Variants in SLC6A5 observed in about 807,000 individuals in gnomAD.
SLC6A5 encodes solute carrier family 6 member 5, also known as sodium- and chloride-dependent glycine transporter 2.
Under a neutral mutation model 90.5 loss-of-function variants are expected in SLC6A5, and 58 were observed. That is an observed-to-expected ratio of 0.64 (90% CI 0.52 to 0.80). The LOEUF (loss-of-function observed/expected upper bound fraction) is 0.80, where lower values mean the gene tolerates loss of function less well. SLC6A5 is among the 30% of genes least tolerant of loss of function. The pLI, the probability that SLC6A5 is intolerant of heterozygous loss-of-function variation, is 0.00. For missense variants in SLC6A5, 1,015 were observed against 1,017.6 expected (o/e 1.00, Z 0.03); for synonymous variants, 427 against 401.4 (o/e 1.06, Z -0.76).
chr11:20,608,881 A>C (rs1374032123), intron 5 of SLC6A5, among the ~76,000 whole-genome samples: 1 of 147,952 alleles, frequency 6.8e-6, no homozygotes, highest in Non-Finnish European at 1.5e-5. Flanking sequence ...ATTTTCTGCC[A>C]TGAACATGTG....
intron 13 of SLC6A5, among the ~76,000 whole-genome samples, chr11:20,646,079 G>C (rs940722090): frequency 1.3e-5 from 2 of 152,196 alleles, no homozygotes; most frequent in Middle Eastern, 3.2e-3. Context: ...GGTGGGGAAA[G>C]AATGCAAGAA....
chr11:20,628,020 C>G lies in SLC6A5; in HGVS notation c.1436C>G (p.Ser479Cys). 2 of 1,614,164 alleles carry G rather than the reference C, an allele frequency of 1.2e-6. No individual in the cohort carries two copies. The highest frequency in any genetic ancestry group is 1.1e-5 in the South Asian group (1 of 91,070). Residue 479 changes from serine to cysteine, a missense_variant, in exon 9 of 16, where the codon TCT (serine) becomes TGT (cysteine). Ser to Cys is a moderately radical substitution (Grantham distance 112). Around this residue, in one of 3 missense-constraint regions of SLC6A5, gnomAD observed 442 missense variants for 494.3 expected, o/e 0.89. Coordinates refer to ENST00000525748, the MANE Select transcript of SLC6A5 (RefSeq NM_004211.5). ...GCCACTCAGATTTTCTTCTCTTTAT[C>G]TGCTGCATGGGGAGGCCTGATCACT... ...DAATQIFFSL[S>C]AAWGGLITLS...
In SLC6A5 at chr11:20,604,356, T is replaced by C. The variant is rs1201783797; in HGVS notation, c.611T>C (p.Met204Thr). ...WSSKLDFILS[M>T]VGYAVGLGNV... ...AGCAAACTGGACTTCATCCTGTCCATGGTGGGGTACGCAGTGGGGCTGGGC... is the reference window on the plus strand; with the variant it reads ...AGCAAACTGGACTTCATCCTGTCCACGGTGGGGTACGCAGTGGGGCTGGGC... The change falls in exon 3 of 16, where the codon ATG (methionine) becomes ACG (threonine). Residue 204 changes from methionine (M) to threonine (T), a missense_variant. By Grantham distance (81) the Met-to-Thr change is moderately conservative (BLOSUM62 -1). Around this residue, in one of 3 missense-constraint regions of SLC6A5, gnomAD observed 567 missense variants for 507.3 expected, o/e 1.12. Coordinates refer to ENST00000525748, the MANE Select transcript of SLC6A5 (RefSeq NM_004211.5). The C allele has an allele frequency of 6.2e-7, 1 of 1,614,000 alleles. No individual in the cohort carries two copies. Among genetic ancestry groups the C allele is most frequent in the Non-Finnish European group, 8.5e-7 (1 of 1,179,938 alleles).
intron 7 of SLC6A5, among the ~76,000 whole-genome samples, chr11:20,618,182 C>A (rs904122442): frequency 2.0e-5 from 3 of 152,160 alleles, no homozygotes; most frequent in Non-Finnish European, 4.4e-5. Flanking sequence ...GCCACTCATT[C>A]AGCAGAAGGA....
intron 3 of SLC6A5, among the ~76,000 whole-genome samples, chr11:20,605,891 A>C (rs1471411461): frequency 6.6e-6 from 1 of 152,206 alleles, no homozygotes; most frequent in Non-Finnish European, 1.5e-5. Context: ...CCCCGGTTTT[A>C]CTGCCCAGCA....
intron 10 of SLC6A5, among the ~76,000 whole-genome samples, chr11:20,632,268 A>G (rs1340311289): frequency 6.6e-6 from 1 of 152,114 alleles, no homozygotes; most frequent in Non-Finnish European, 1.5e-5. Flanking sequence ...TTTTTGTGAC[A>G]TTACTGAGTT....
intron 13 of SLC6A5, among the ~76,000 whole-genome samples, chr11:20,644,340 G>T (rs1853369297): frequency 6.6e-6 from 1 of 152,044 alleles, no homozygotes; most frequent in Non-Finnish European, 1.5e-5. Flanking sequence ...TACAGTGTTT[G>T]TCTTTCTGTG....
At chr11:20,620,467 A>AT (rs1852868894) in intron 7 of SLC6A5, among the ~76,000 whole-genome samples, 1 of 152,264 alleles carries the variant, frequency 6.6e-6, no homozygotes, top group Non-Finnish European at 1.5e-5. Flanking sequence ...GTGTATGGTC[A>AT]GTTATTAACA....
At chr11:20,624,719 G>A (rs1008298478) in intron 7 of SLC6A5, among the ~76,000 whole-genome samples, 1 of 152,180 alleles carries the variant, frequency 6.6e-6, no homozygotes, top group African/African-American at 2.4e-5. Context: ...GATCCCGAGA[G>A]CCCAGAGTGG....
intron 9 of SLC6A5, chr11:20,629,202 T>A (rs1046382584): frequency 1.3e-5 from 2 of 152,154 alleles, no homozygotes; most frequent in African/African-American, 4.8e-5. Flanking sequence ...AGCAGCAGGC[T>A]CTGCGATGAA....
At chr11:20,613,132 C>T (rs1368883601) in intron 5 of SLC6A5, among the ~76,000 whole-genome samples, 3 of 152,208 alleles carry the variant, frequency 2.0e-5, no homozygotes, top group African/African-American at 7.2e-5. Flanking sequence ...AGCTTGTTTA[C>T]ATCCTGTCTT....
At chr11:20,646,254 A>G (rs1853412812) in intron 13 of SLC6A5, among the ~76,000 whole-genome samples, 1 of 152,192 alleles carries the variant, frequency 6.6e-6, no homozygotes, top group Non-Finnish European at 1.5e-5. Flanking sequence ...CCAAGAAGAC[A>G]GCAGTCCTTT....
At position 20,638,477 on chromosome 11, in the gene SLC6A5, C is replaced by T. The variant is rs121908495; in HGVS notation, c.1888C>T (p.Gln630Ter). 1 of 1,612,074 alleles carries T rather than the reference C, an allele frequency of 6.2e-7. No homozygotes were observed. Among genetic ancestry groups the T allele is most frequent in the Non-Finnish European group, 8.5e-7 (1 of 1,178,192 alleles). ...MITQGGIYMF[Q>*]LVDTYAASYA... is the part of the protein sequence containing the mutation. ...CTGTTAGGGTGGAATTTACATGTTT[C>T]AGCTTGTGGACACCTATGCTGCCTC... Residue 630 changes from glutamine to a stop codon, truncating the protein, a stop_gained, in exon 13 of 16, where the codon CAG (glutamine) becomes TAG (stop). Coordinates refer to ENST00000525748, the MANE Select transcript of SLC6A5 (RefSeq NM_004211.5). LOFTEE classifies it high-confidence loss of function.
At chr11:20,653,830 G>C (rs1426301497) in intron 15 of SLC6A5, among the ~76,000 whole-genome samples, 1 of 152,130 alleles carries the variant, frequency 6.6e-6, no homozygotes, top group Non-Finnish European at 1.5e-5. Flanking sequence ...TTTAGCCTCT[G>C]CTACTTTTGT....
intron 5 of SLC6A5, among the ~76,000 whole-genome samples, chr11:20,611,328 AC>A (rs1852689095): frequency 6.6e-6 from 1 of 152,122 alleles, no homozygotes; most frequent in Non-Finnish European, 1.5e-5. Flanking sequence ...GTTGGCACAC[AC>A]CTGTAATCCC....
At chr11:20,651,565 G>T (rs540596439) in intron 14 of SLC6A5, among the ~76,000 whole-genome samples, 23 of 151,404 alleles carry the variant, frequency 1.5e-4, no homozygotes, top group Non-Finnish European at 2.9e-4. Flanking sequence ...GAGCCACTGC[G>T]CCTGGCCTGG....
chr11:20,640,697 TAAAA>T (rs34284603), intron 13 of SLC6A5, among the ~76,000 whole-genome samples: 11 of 148,186 alleles, frequency 7.4e-5, no homozygotes, highest in Admixed American at 6.7e-5. Flanking sequence ...CTGTTTGAGG[TAAAA>T]AAAAAAAAAA....
intron 13 of SLC6A5, among the ~76,000 whole-genome samples, chr11:20,644,648 C>T: frequency 6.6e-6 from 1 of 152,104 alleles, no homozygotes; most frequent in African/African-American, 2.4e-5. Flanking sequence ...TAATGTTTTC[C>T]ATAGTGACTG....
chr11:20,601,635 C>G lies in SLC6A5; in HGVS notation c.510C>G (p.Leu170=). The change falls in exon 2 of 16, where the codon CTC becomes CTG. Residue 170 remains leucine, a synonymous_variant. Transcript: ENST00000525748. ...CCACGGATGGAATCACGTCCGTGCT[C>G]CCGGGCAGCGTGGCCACCGTTGCCA... ...VLATDGITSV[L]PGSVATVATQ... 1.2e-6 allele frequency: 2 copies of G among 1,613,972 alleles called. No individual in the cohort carries two copies. Among genetic ancestry groups the G allele is most frequent in the Non-Finnish European group, 1.7e-6 (2 of 1,179,968 alleles).
Sources: gnomAD v4.1 joint callset for allele counts (sites outside exome capture counted in the v4.1 genomes callset) on GRCh38, gnomAD v4.1.1 for gene constraint, gnomAD v4.1.1 regional missense constraint, MANE v1.5 for transcripts, NCBI Gene and HGNC (gene_info 2026-07-23, HGNC 2026-07-21) for gene names.